The following MED16 variants were observed in gnomAD, a reference collection of about 807,000 sequenced individuals.
MED16 encodes the protein mediator of RNA polymerase II transcription subunit 16.
A neutral mutation model predicts 84.4 loss-of-function variants in MED16; 81 were observed. That is an observed-to-expected ratio of 0.96 (90% CI 0.80 to 1.15). The LOEUF (loss-of-function observed/expected upper bound fraction) is 1.15, where lower values mean the gene tolerates loss of function less well. Ranked by LOEUF, MED16 falls within the 50% of genes most tolerant of loss-of-function variation. The probability of loss-of-function intolerance (pLI) is 0.00; values close to 1 mark genes in which losing one functional copy is unlikely to be tolerated. For missense variants in MED16, 1,585 were observed against 1,245.9 expected, an observed-to-expected ratio of 1.27 and a Z score of -4.10; for synonymous variants, 897 against 552.2, an observed-to-expected ratio of 1.62 and a Z score of -8.76.
intron 13 of MED16, among the ~76,000 whole-genome samples, chr19:869,374 T>C (rs1259362708): frequency 1.3e-5 from 2 of 150,630 alleles, no homozygotes; most frequent in Non-Finnish European, 3.0e-5. Context: ...TGCCGGGACC[T>C]CTGAACGACA....
rs773289459 is a variant in MED16, at chr19:891,101, C to G, written c.31G>C (p.Gly11Arg). 6.2e-7 allele frequency: 1 copy of G among 1,613,820 alleles called. No homozygotes were observed. Among genetic ancestry groups the G allele is most frequent in the Non-Finnish European group, 8.5e-7 (1 of 1,179,874 alleles). MCDLRRPAAG[G>R]MMDLAYVCEW... The stretch of plus-strand genomic sequence containing the variant: ...CAGACGTAGGCCAAGTCCATCATCC[C>G]ACCTGCCGCTGGCCGCCGCAAATCA... Residue 11 changes from glycine to arginine, a missense_variant, in exon 2 of 16, where the codon GGG becomes CGG. Gly to Arg is a moderately radical substitution (Grantham distance 125). Coordinates refer to ENST00000325464, the MANE Select transcript of MED16 (RefSeq NM_005481.3).
At chr19:883,491 C>T (rs571667156) in intron 6 of MED16, among the ~76,000 whole-genome samples, 13 of 117,330 alleles carry the variant, frequency 1.1e-4, no homozygotes, top group South Asian at 5.4e-4. Flanking sequence ...GCACGTGGGG[C>T]GGTAGGGGGA....
intron 4 of MED16, among the ~76,000 whole-genome samples, chr19:887,411 T>C (rs2036548661): frequency 6.6e-6 from 1 of 152,150 alleles, no homozygotes; most frequent in Admixed American, 6.6e-5. Flanking sequence ...CTCACGCCTG[T>C]AATCTCAGCA....
intron 6 of MED16, 80 bp from the exon 7 acceptor site, chr19:881,794 T>G: frequency 6.6e-7 from 1 of 1,525,434 alleles, no homozygotes; most frequent in Non-Finnish European, 8.9e-7. Context: ...CAGCATGGCC[T>G]GGTGTGCAAC....
intron 4 of MED16, among the ~76,000 whole-genome samples, chr19:888,524 C>CAA (rs34583289): frequency 2.2e-4 from 21 of 96,922 alleles, no homozygotes; most frequent in African/African-American, 4.0e-4. Flanking sequence ...ACTCTGTCTC[C>CAA]AAAAAAAAAA....
Position 889,046 on chromosome 19 carries a change from A to C in MED16, c.447+592T>G, listed in dbSNP as rs1273401903. Among the ~76,000 whole-genome samples the C allele has an allele frequency of 6.1e-5, 8 of 131,968 alleles. 1 individual carries two copies. The highest frequency in any genetic ancestry group is 4.4e-4 in the Admixed American group (6 of 13,630). 86.6% of individuals were successfully genotyped at this position (131,968 alleles called of 152,430 possible). ...CCCAACCCTGGCCACGCCTACTCTT[A>C]ACTGTCCCCCCCAACCCTGGCCACG... On this transcript the variant is annotated intron_variant, in intron 4 of 15. Coordinates refer to ENST00000325464, the MANE Select transcript of MED16 (RefSeq NM_005481.3).
intron 6 of MED16, 53 bp downstream of exon 6, chr19:884,850 C>G: frequency 6.9e-7 from 1 of 1,453,984 alleles, no homozygotes; most frequent in Non-Finnish European, 9.4e-7. Flanking sequence ...AAAATAAAAA[C>G]CAACCGCCCC....
chr19:869,074 A>C, intron 13 of MED16, 128 bp from the exon 14 acceptor site: 1 of 810,290 alleles, frequency 1.2e-6, no homozygotes, highest in Non-Finnish European at 1.9e-6. Flanking sequence ...GTGGGCCCAG[A>C]TGTCTGTGAA....
chr19:871,401 A>C, intron 12 of MED16, 148 bp from the exon 13 acceptor site: 1 of 1,307,526 alleles, frequency 7.6e-7, no homozygotes, highest in Non-Finnish European at 1.0e-6. Context: ...GGGTTCTCTC[A>C]CCAGGTCGGG....
At position 883,248 on chromosome 19, in the gene MED16, C is replaced by T. The variant is rs965539050; in HGVS notation, c.986-1534G>A. 4.6e-5 allele frequency among the ~76,000 whole-genome samples: 7 copies of T among 150,886 alleles called. No individual in the cohort carries two copies. In the East Asian group the frequency reaches 7.8e-4, roughly 17 times the overall value. On this transcript the variant is annotated intron_variant, in intron 6 of 15. Transcript: ENST00000325464. ...GAACCGAAGCCTGGCATGGTGGGCA[C>T]GTGGGGCGGTGCGTGAAGAGCTGGG...
At chr19:873,346 G>A in intron 11 of MED16, 103 bp downstream of exon 11, 2 of 965,082 alleles carry the variant, frequency 2.1e-6, no homozygotes, top group Admixed American at 5.0e-5. Context: ...TCCAACTAGG[G>A]GCGGGGCTGA....
At chr19:870,738 C>CG (rs1043687758) in intron 13 of MED16, among the ~76,000 whole-genome samples, 38 of 131,468 alleles carry the variant, frequency 2.9e-4, no homozygotes, top group Non-Finnish European at 4.7e-4. Flanking sequence ...CGTATGGATT[C>CG]GGGGGGGTCC....
intron 4 of MED16, among the ~76,000 whole-genome samples, chr19:886,571 A>C (rs1258630287): frequency 6.6e-6 from 1 of 152,242 alleles, no homozygotes; most frequent in Non-Finnish European, 1.5e-5. Flanking sequence ...GGCGGCACAC[A>C]GGCAGCTGGT....
At chr19:883,847 G>C (rs2036471023) in intron 6 of MED16, among the ~76,000 whole-genome samples, 1 of 152,168 alleles carries the variant, frequency 6.6e-6, no homozygotes, top group African/African-American at 2.4e-5. Flanking sequence ...CCAGGGGAAG[G>C]AATGAGGCCC....
chr19:882,957 G>A (rs1047232659), intron 6 of MED16, among the ~76,000 whole-genome samples: 3 of 152,222 alleles, frequency 2.0e-5, no homozygotes, highest in Non-Finnish European at 4.4e-5. Flanking sequence ...GGCACACAGT[G>A]GTCAGGGGTG....
At chr19:890,411 G>C in intron 2 of MED16, 167 bp from the exon 3 acceptor site, 1 of 556,496 alleles carries the variant, frequency 1.8e-6, no homozygotes, top group East Asian at 3.0e-5. Flanking sequence ...CCCCCCGCAG[G>C]AACAGAGCAG....
rs780537339 is a variant in MED16 at position 872,137 on chromosome 19, G to T, written c.1906-19C>A. The T allele has an allele frequency of 1.9e-6, 3 of 1,583,866 alleles. No individual in the cohort carries two copies. Among genetic ancestry groups the T allele is most frequent in the South Asian group, 1.1e-5 (1 of 88,278 alleles). Reference sequence around the variant, plus strand: ...GGGAACCCTGCCCGAAAGAGGCATCGGTGTGGCTGGGGCGGCGGGGGGCAG... The same window carrying T: ...GGGAACCCTGCCCGAAAGAGGCATCTGTGTGGCTGGGGCGGCGGGGGGCAG... On this transcript the variant is annotated intron_variant, in intron 11 of 15. Transcript: ENST00000325464.
intron 7 of MED16, 124 bp downstream of exon 7, chr19:881,435 A>G (rs961574532): frequency 2.6e-6 from 3 of 1,153,258 alleles, no homozygotes; most frequent in African/African-American, 1.5e-5. Flanking sequence ...CTACAGCCCC[A>G]TGGCCTGTGC....
At chr19:881,052 T>G (rs940848377) in intron 7 of MED16, among the ~76,000 whole-genome samples, 2 of 151,476 alleles carry the variant, frequency 1.3e-5, no homozygotes, top group East Asian at 3.9e-4. Context: ...CCCGAGCGGG[T>G]TTTGATAAAT....
Sources: allele counts gnomAD v4.1 joint callset (sites outside exome capture counted in the v4.1 genomes callset), GRCh38; gene constraint gnomAD v4.1.1; transcripts MANE v1.5; gene names NCBI Gene and HGNC (gene_info 2026-07-23, HGNC 2026-07-21).